PCDH11X: variants seen among roughly 807,000 people sequenced by gnomAD.
The protein encoded by PCDH11X is protocadherin 11 X-linked, also known as protocadherin-11 X-linked.
Under a neutral mutation model 53.3 loss-of-function variants are expected in PCDH11X, and 18 were observed. The ratio of observed to expected loss-of-function variants is 0.34; its 90% CI spans 0.23 to 0.50. The LOEUF is 0.50. Among genes scored for constraint, PCDH11X ranks in the 20% least tolerant of loss-of-function variants. PCDH11X has a pLI of 0.98. For missense variants in PCDH11X, 570 were observed against 1,032.4 expected, an observed-to-expected ratio of 0.55 and a Z score of 6.14; for synonymous variants, 279 against 393.3, an observed-to-expected ratio of 0.71 and a Z score of 3.44.
At chrX:92,150,606 A>G in intron 6 of PCDH11X, among the ~76,000 whole-genome samples, 1 of 110,676 alleles carries the variant, frequency 9.0e-6, no homozygotes, top group Non-Finnish European at 1.9e-5. Context: ...TAAAAATTTT[A>G]AGATTGGATT....
intron 6 of PCDH11X, among the ~76,000 whole-genome samples, chrX:92,086,007 T>C (rs2063944202): frequency 8.9e-6 from 1 of 112,063 alleles, no homozygotes; most frequent in African/African-American, 3.2e-5. Context: ...ATATTCACAT[T>C]GATTGCATGT....
intron 1 of PCDH11X, among the ~76,000 whole-genome samples, chrX:91,781,770 T>C (rs1324607010): frequency 8.9e-6 from 1 of 112,123 alleles, no homozygotes; most frequent in Non-Finnish European, 1.9e-5. Context: ...CTTGCCTTTG[T>C]CTGGTTCATC....
chrX:91,813,941 A>C (rs996407614), intron 4 of PCDH11X, among the ~76,000 whole-genome samples: 2 of 104,862 alleles, frequency 1.9e-5, no homozygotes, highest in African/African-American at 6.9e-5. Context: ...GTCAGCTGTA[A>C]CAGGTTTTAA....
intron 1 of PCDH11X, among the ~76,000 whole-genome samples, chrX:91,781,720 G>A (rs778658385): frequency 9.5e-4 from 106 of 111,521 alleles, no homozygotes; most frequent in African/African-American, 2.9e-3. Flanking sequence ...GCAATTCGAA[G>A]CAAGTCGAAG....
chrX:92,498,398 C>A (rs2073897958), intron 10 of PCDH11X, among the ~76,000 whole-genome samples: 2 of 110,739 alleles, frequency 1.8e-5, no homozygotes, highest in Non-Finnish European at 3.8e-5. Context: ...TTAACAGACA[C>A]CTGTGGTTCA....
intron 6 of PCDH11X, among the ~76,000 whole-genome samples, chrX:92,189,003 C>T (rs763255168): frequency 9.0e-6 from 1 of 111,142 alleles, no homozygotes; most frequent in East Asian, 2.8e-4. Context: ...AGTGACATGA[C>T]TAAAATTCTA....
intron 6 of PCDH11X, among the ~76,000 whole-genome samples, chrX:91,998,312 A>G (rs961132140): frequency 4.5e-5 from 5 of 110,904 alleles, no homozygotes; most frequent in African/African-American, 1.6e-4. Flanking sequence ...TAGTTATTCA[A>G]TTTGTTGGTG....
chrX:92,403,310 T>C (rs1334924355), intron 9 of PCDH11X, among the ~76,000 whole-genome samples: 1 of 103,349 alleles, frequency 9.7e-6, no homozygotes, highest in Non-Finnish European at 1.9e-5. Flanking sequence ...TGTACTGGGA[T>C]ATGTGTCCGG....
chrX:92,286,293 A>T (rs1180548408), intron 8 of PCDH11X, among the ~76,000 whole-genome samples: 1 of 109,377 alleles, frequency 9.1e-6, no homozygotes, highest in African/African-American at 3.3e-5. Context: ...AAATTATTTA[A>T]TGTTGGTGCA....
At chrX:92,471,453 A>G (rs1182057930) in intron 10 of PCDH11X, among the ~76,000 whole-genome samples, 1 of 104,087 alleles carries the variant, frequency 9.6e-6, no homozygotes, top group African/African-American at 3.5e-5. Context: ...GTTCTTTTTT[A>G]TGGCTGCATA....
chrX:91,967,838 T>G (rs1313305785), intron 6 of PCDH11X, among the ~76,000 whole-genome samples: 1 of 112,348 alleles, frequency 8.9e-6, no homozygotes, highest in Non-Finnish European at 1.9e-5. Context: ...ACAAATCTCT[T>G]AAAATAATAC....
chrX:92,142,250 G>A (rs1333383704), intron 6 of PCDH11X, among the ~76,000 whole-genome samples: 28 of 108,605 alleles, frequency 2.6e-4, no homozygotes, highest in Admixed American at 2.5e-3. Flanking sequence ...TCCGCCTACT[G>A]GGTTCAAGCA....
intron 6 of PCDH11X, among the ~76,000 whole-genome samples, chrX:92,141,526 G>T (rs1478969989): frequency 8.9e-6 from 1 of 111,799 alleles, no homozygotes; most frequent in Non-Finnish European, 1.9e-5. Context: ...AAGCTCTTTC[G>T]CTTCCCCATT....
chrX:92,086,902 T>C (rs1233770829), intron 6 of PCDH11X, among the ~76,000 whole-genome samples: 1 of 108,721 alleles, frequency 9.2e-6, no homozygotes, highest in Non-Finnish European at 1.9e-5. Context: ...ATAAGCAAAT[T>C]GCAATTGGAA....
chrX:92,193,915 C>A (rs1297336335), intron 6 of PCDH11X, among the ~76,000 whole-genome samples: 3 of 111,667 alleles, frequency 2.7e-5, no homozygotes, highest in Non-Finnish European at 5.7e-5. Context: ...TGACAACTTA[C>A]AAAATATTGG....
intron 6 of PCDH11X, among the ~76,000 whole-genome samples, chrX:92,101,988 T>C (rs1308999144): frequency 1.7e-4 from 19 of 111,418 alleles, no homozygotes; most frequent in Admixed American, 4.8e-4. Flanking sequence ...CTGGTGGAAC[T>C]GCCATCAATA....
intron 9 of PCDH11X, among the ~76,000 whole-genome samples, chrX:92,389,269 G>T (rs1346561154): frequency 9.0e-6 from 1 of 110,885 alleles, no homozygotes; most frequent in Non-Finnish European, 1.9e-5. Flanking sequence ...ACTCCTGGTA[G>T]AAATACATAG....
At chrX:92,614,240 T>A (rs1170106654) in intron 10 of PCDH11X, among the ~76,000 whole-genome samples, 1 of 111,620 alleles carries the variant, frequency 9.0e-6, no homozygotes, top group East Asian at 2.8e-4. Context: ...TTGCACTGGT[T>A]TCTTCTCATC....
intron 9 of PCDH11X, among the ~76,000 whole-genome samples, chrX:92,433,307 A>G (rs1271341615): frequency 9.0e-6 from 1 of 110,611 alleles, no homozygotes; most frequent in Non-Finnish European, 1.9e-5. Context: ...AATAGTTAGC[A>G]TATAAATAAT....
Sources: gnomAD v4.1 joint callset for allele counts (sites outside exome capture counted in the v4.1 genomes callset) on GRCh38, gnomAD v4.1.1 for gene constraint, MANE v1.5 for transcripts, NCBI Gene and HGNC (gene_info 2026-07-23, HGNC 2026-07-21) for gene names.